EZH1: variants seen among roughly 807,000 people sequenced by gnomAD.
EZH1 encodes enhancer of zeste 1 polycomb repressive complex 2 subunit, also known as histone-lysine N-methyltransferase EZH1.
A neutral mutation model predicts 100.5 loss-of-function variants in EZH1; 33 were observed. The observed-to-expected ratio is 0.33, with a 90% CI of 0.25 to 0.44. The LOEUF is 0.44. Ranked by LOEUF, EZH1 falls within the 20% of genes least tolerant of loss-of-function variation. The probability of loss-of-function intolerance (pLI) is 1.00; values close to 1 mark genes in which losing one functional copy is unlikely to be tolerated. For missense variants in EZH1, 475 were observed against 928.4 expected, an observed-to-expected ratio of 0.51 and a Z score of 6.35; for synonymous variants, 272 against 313.8, an observed-to-expected ratio of 0.87 and a Z score of 1.41.
intron 18 of EZH1, among the ~76,000 whole-genome samples, chr17:42,704,118 C>T (rs911070838): frequency 2.6e-5 from 4 of 152,170 alleles, no homozygotes; most frequent in African/African-American, 9.7e-5. Context: ...AATGGAGGTT[C>T]TTCCAAAGCA....
At chr17:42,737,055 G>A (rs1482132744) in intron 1 of EZH1, among the ~76,000 whole-genome samples, 1 of 146,750 alleles carries the variant, frequency 6.8e-6, no homozygotes, top group Non-Finnish European at 1.5e-5. Context: ...ATGCAATCTC[G>A]GCTCACTGCA....
intron 10 of EZH1, among the ~76,000 whole-genome samples, chr17:42,717,657 G>A (rs1234700375): frequency 6.6e-6 from 1 of 152,128 alleles, no homozygotes; most frequent in African/African-American, 2.4e-5. Flanking sequence ...AAAGAAACTA[G>A]AGTGTGTACC....
intron 2 of EZH1, among the ~76,000 whole-genome samples, chr17:42,730,534 T>C (rs2053921976): frequency 1.5e-5 from 2 of 136,042 alleles, no homozygotes; most frequent in South Asian, 5.2e-4. Context: ...TCTCGCTCTG[T>C]CGCCCAGGCT....
Position 42,727,712 on chromosome 17 carries a change from T to G in EZH1, c.169A>C (p.Asn57His), listed in dbSNP as rs1386478282. The change falls in exon 4 of 21, where the codon AAT (asparagine) becomes CAT (histidine). Residue 57 changes from asparagine (N) to histidine (H), a missense_variant. Physicochemically the swap from Asn to His is moderately conservative, Grantham distance 68. Transcript: ENST00000428826. ...ACACGAAGCTTCTTCCATTCTTCAT[T>G]GAGGATCTGGGTTTTTTCTTGAACC... ...AKVQEKTQIL[N>H]EEWKKLRVQP... 15 of 1,608,148 alleles carry G rather than the reference T, an allele frequency of 9.3e-6. No individual in the cohort carries two copies. The highest frequency in any genetic ancestry group is 1.1e-5 in the Non-Finnish European group (13 of 1,178,286).
intron 20 of EZH1, 36 bp downstream of exon 20, chr17:42,702,841 T>C: frequency 6.2e-7 from 1 of 1,607,986 alleles, no homozygotes; most frequent in Non-Finnish European, 8.5e-7. Flanking sequence ...TTCCAATTCC[T>C]GGGCCACATC....
At chr17:42,723,984 A>G (rs1394569806) in intron 5 of EZH1, among the ~76,000 whole-genome samples, 1 of 152,220 alleles carries the variant, frequency 6.6e-6, no homozygotes, top group African/African-American at 2.4e-5. Flanking sequence ...TCAAGCCTCA[A>G]GAGTCTGATT....
At chr17:42,732,282 G>C (rs538542762) in intron 1 of EZH1, among the ~76,000 whole-genome samples, 1 of 152,238 alleles carries the variant, frequency 6.6e-6, no homozygotes, top group Non-Finnish European at 1.5e-5. Context: ...GGCCAACACA[G>C]TCAGATCCTA....
intron 15 of EZH1, among the ~76,000 whole-genome samples, chr17:42,707,638 G>A (rs1018860015): frequency 6.6e-6 from 1 of 151,958 alleles, no homozygotes; most frequent in African/African-American, 2.4e-5. Context: ...CAAGTGATCC[G>A]CCTACCCAAA....
intron 2 of EZH1, chr17:42,729,252 C>T (rs983462846): frequency 1.8e-4 from 44 of 248,228 alleles, no homozygotes; most frequent in African/African-American, 1.0e-3. Flanking sequence ...ACAGAAAATA[C>T]AAAAGTTAGC....
chr17:42,745,013 T>A lies in EZH1; in HGVS notation c.-105A>T, dbSNP rs991594443. ...CCCAGGCTTGTTTACTCACTCACCC[T>A]CCATCCCGAGCCGCGGGTCCCGCTG... On this transcript the variant is annotated splice_region_variant and 5_prime_UTR_variant, in exon 1 of 21. Transcript: ENST00000428826. 4 of 1,272,550 alleles carry A rather than the reference T, an allele frequency of 3.1e-6. No homozygotes were observed. The highest frequency in any genetic ancestry group is 4.1e-6 in the Non-Finnish European group (4 of 982,394). 78.8% of individuals were successfully genotyped at this position (1,272,550 alleles called of 1,614,324 possible). A position where few individuals can be genotyped will look rare whatever the true frequency, so the allele number is the denominator to read the frequency against.
At chr17:42,741,452 A>G (rs945989931) in intron 1 of EZH1, among the ~76,000 whole-genome samples, 1 of 152,148 alleles carries the variant, frequency 6.6e-6, no homozygotes, top group African/African-American at 2.4e-5. Context: ...CAAGTGATCA[A>G]TCCCTCGGCC....
chr17:42,706,234 G>A lies in EZH1; in HGVS notation c.1661-49C>T, dbSNP rs768204907. 1 of 1,501,134 alleles carries A rather than the reference G, an allele frequency of 6.7e-7. No homozygotes were observed. Among genetic ancestry groups the A allele is most frequent in the Admixed American group, 1.9e-5 (1 of 52,194 alleles). The allele number at this position is 1,501,134 out of a possible 1,614,324, so 93.0% of individuals were successfully genotyped here. On this transcript the variant is annotated intron_variant, in intron 15 of 20. Transcript: ENST00000428826. This position sits in a 1 kb window ranked among gnomAD's most constrained non-coding sequence, Gnocchi z 4.4. ...CTTAGAAGGGAAATAAGCTAATACT[G>A]GGGCTTGTGGTTGACTCAAGGGACA...
At position 42,740,485 on chromosome 17, in the gene EZH1, T is replaced by C. The variant is rs1182864419; in HGVS notation, c.-103+4526A>G. ...TCTCTTGACCTTGTGATCCACCCGC[T>C]TCGGCCTCCCAAAGTGCTGGGATTA... On this transcript the variant is annotated intron_variant, in intron 1 of 20. Transcript: ENST00000428826. Among the ~76,000 whole-genome samples, 3 of 152,116 alleles carry C rather than the reference T, an allele frequency of 2.0e-5. No homozygotes were observed. In the East Asian group the frequency reaches 5.8e-4, roughly 29 times the overall value.
At chr17:42,744,959 AG>A in intron 1 of EZH1, 51 bp downstream of exon 1, 1 of 1,252,854 alleles carries the variant, frequency 8.0e-7, no homozygotes, top group Non-Finnish European at 1.0e-6. Flanking sequence ...CAGGGCGGCG[AG>A]GGGAGGAGGC....
chr17:42,733,939 C>CAAAA (rs71157668), intron 1 of EZH1, among the ~76,000 whole-genome samples: 14 of 50,048 alleles, frequency 2.8e-4, no homozygotes, highest in East Asian at 1.0e-3. Flanking sequence ...GACTCCATCT[C>CAAAA]AAAAAAAAAA....
rs2053776764 is a variant in EZH1 at position 42,724,410 on chromosome 17, G to GCT, written c.259_260dup (p.Ser87ArgfsTer13). On this transcript the variant is annotated frameshift_variant, in exon 5 of 21. Transcript: ENST00000428826. LOFTEE classifies it high-confidence loss of function. ...GTTGGCTTGCAAATCCCGGGAAAAT[G>GCT]CTCTCTATGGTACACTGAAATATAA... The GCT allele has an allele frequency of 6.2e-7, 1 of 1,613,792 alleles. No homozygotes were observed. Among genetic ancestry groups the GCT allele is most frequent in the Non-Finnish European group, 8.5e-7 (1 of 1,179,864 alleles).
Position 42,709,986 on chromosome 17 carries a change from G to A in EZH1, c.1402-49C>T, listed in dbSNP as rs1385882659. The A allele has an allele frequency of 5.8e-6, 9 of 1,553,214 alleles. No individual in the cohort carries two copies. The East Asian group carries it at 1.6e-4, about 27-fold the overall frequency. ...TGTCACTCCTCGAGCAAGGGGGTCAGGTAAGTGGCCCAGCTGGGTGCTGGC... is the reference window on the plus strand; with the variant it reads ...TGTCACTCCTCGAGCAAGGGGGTCAAGTAAGTGGCCCAGCTGGGTGCTGGC... On this transcript the variant is annotated intron_variant, in intron 12 of 20. Coordinates refer to ENST00000428826, the MANE Select transcript of EZH1 (RefSeq NM_001991.5).
At chr17:42,727,581 A>G in intron 4 of EZH1, 54 bp downstream of exon 4, 1 of 1,569,650 alleles carries the variant, frequency 6.4e-7, no homozygotes, top group South Asian at 1.2e-5. Context: ...AATATAGGAA[A>G]AAGCTTTAAG....
chr17:42,714,375 G>T, intron 10 of EZH1: 1 of 302,588 alleles, frequency 3.3e-6, no homozygotes, highest in East Asian at 7.7e-5. Flanking sequence ...CTGAGCCCCT[G>T]GTAATAGAAT....
Sources: gnomAD v4.1 joint callset for allele counts (sites outside exome capture counted in the v4.1 genomes callset) on GRCh38, gnomAD v4.1.1 for gene constraint, Gnocchi (gnomAD v3.1) non-coding constraint, MANE v1.5 for transcripts, NCBI Gene and HGNC (gene_info 2026-07-23, HGNC 2026-07-21) for gene names.